Variants in RICTOR observed in about 807,000 individuals in gnomAD.
The protein encoded by RICTOR is rapamycin-insensitive companion of mTOR.
A neutral mutation model predicts 214.9 loss-of-function variants in RICTOR; 49 were observed. That is an observed-to-expected ratio of 0.23 (90% CI 0.18 to 0.29). The LOEUF (loss-of-function observed/expected upper bound fraction) is 0.29. RICTOR is among the 10% of genes least tolerant of loss of function. RICTOR has a pLI of 1.00. For synonymous variants in RICTOR, 717 were observed against 711.3 expected (o/e 1.01, Z -0.13); for missense variants, 1,625 against 2,047.0 (o/e 0.79, Z 3.98).
chr5:38,981,710 G>A (rs1262903681), intron 8 of RICTOR, 157 bp downstream of exon 8: 2 of 515,410 alleles, frequency 3.9e-6, no homozygotes, highest in Non-Finnish European at 6.7e-6. Context: ...AGTCCAAACT[G>A]AATGATCTGT....
rs146827518 is a variant in RICTOR at position 39,066,348 on chromosome 5, C to T, written c.97+7763G>A. The stretch of plus-strand genomic sequence containing the variant: ...TGAGGCTGTGCAAGGCAGCAAGGCC[C>T]GGCTAGCCCAGGCCCACAAAACCAT... On this transcript the variant is annotated intron_variant, in intron 2 of 37. Transcript: ENST00000357387. 2.7e-4 allele frequency among the ~76,000 whole-genome samples: 41 copies of T among 152,360 alleles called. No homozygotes were observed. The East Asian group carries it at 6.0e-3, about 22-fold the overall frequency.
intron 3 of RICTOR, among the ~76,000 whole-genome samples, chr5:39,009,856 T>C (rs1055436179): frequency 6.6e-6 from 1 of 152,198 alleles, no homozygotes; most frequent in Admixed American, 6.5e-5. Flanking sequence ...AATTCATATA[T>C]AAATCTCAAA....
intron 3 of RICTOR, among the ~76,000 whole-genome samples, chr5:39,004,581 C>T (rs961885652): frequency 6.6e-6 from 1 of 151,666 alleles, no homozygotes; most frequent in Non-Finnish European, 1.5e-5. Context: ...CGCCTCAGCC[C>T]TCCGAGTAGC....
intron 3 of RICTOR, among the ~76,000 whole-genome samples, chr5:39,011,991 G>A (rs1047909890): frequency 4.6e-5 from 7 of 152,156 alleles, no homozygotes; most frequent in African/African-American, 1.4e-4. Context: ...GAGGACATGA[G>A]ATTTGGGAGG....
In RICTOR at chr5:38,990,754, G is replaced by GATATATATC. The variant is rs1280127794; in HGVS notation, c.583+194_583+195insGATATATAT. Among the ~76,000 whole-genome samples the GATATATATC allele has an allele frequency of 2.9e-5, 3 of 102,944 alleles. 1 individual carries two copies. Among genetic ancestry groups the GATATATATC allele is most frequent in the African/African-American group, 1.3e-4 (3 of 23,448 alleles). The allele number at this position is 102,944 out of a possible 152,430, so 67.5% of individuals were successfully genotyped here. A position where few individuals can be genotyped will look rare whatever the true frequency, so the allele number is the denominator to read the frequency against. ...TATATATGATATATATGAGATATAT[G>GATATATATC]ATATATATGAGATATATGATATATA... is the stretch of plus-strand genomic sequence containing the variant. On this transcript the variant is annotated intron_variant, in intron 7 of 37. Transcript: ENST00000357387.
rs185543723 is a variant in RICTOR, at chr5:39,028,812, C to G, written c.98-7676G>C. The stretch of plus-strand genomic sequence containing the variant: ...GCTAGGGAGGCTGAGGCAGGAGGAT[C>G]CCTTGAGCCCAGGTGTTTGAGGCTG... On this transcript the variant is annotated intron_variant, in intron 2 of 37. Coordinates refer to ENST00000357387, the MANE Select transcript of RICTOR (RefSeq NM_152756.5). 2.2e-3 allele frequency among the ~76,000 whole-genome samples: 328 copies of G among 152,184 alleles called. 1 individual carries two copies. Among genetic ancestry groups the G allele is most frequent in the African/African-American group, 7.6e-3 (316 of 41,516 alleles).
rs770279172 is a variant in RICTOR at position 38,954,790 on chromosome 5, T to C, written c.2681A>G (p.His894Arg). The C allele has an allele frequency of 4.4e-6, 7 of 1,596,922 alleles. No homozygotes were observed. The highest frequency in any genetic ancestry group is 6.0e-6 in the Non-Finnish European group (7 of 1,165,468). ...TGTTTTTACCTGTACTTCCAACAAA[T>C]GGCAGCCTGTTTTATGGTGTACTAG... ...GQLVHHKTGCHLLEVQNIITE... is the reference protein window; with the variant it reads ...GQLVHHKTGCRLLEVQNIITE... The change falls in exon 27 of 38, where the codon CAT becomes CGT. Residue 894 changes from histidine to arginine, a missense_variant. Physicochemically the swap from His to Arg is conservative, Grantham distance 29. This residue lies in a region of RICTOR where 1,214 missense variants were observed against 1,470.5 expected (regional missense o/e 0.83). Coordinates refer to ENST00000357387, the MANE Select transcript of RICTOR (RefSeq NM_152756.5).
intron 31 of RICTOR, among the ~76,000 whole-genome samples, chr5:38,948,323 C>G (rs1262574254): frequency 6.6e-6 from 1 of 152,098 alleles, no homozygotes; most frequent in African/African-American, 2.4e-5. Context: ...TAAATAGTAG[C>G]TATTAACATA....
chr5:38,962,414 TATAAG>T (rs1432633330), intron 18 of RICTOR, 53 bp from the exon 19 acceptor site: 20 of 1,161,060 alleles, frequency 1.7e-5, no homozygotes, highest in African/African-American at 7.8e-5. Context: ...TTCTCACACA[TATAAG>T]ATAATTACGT....
At chr5:38,990,790 GAGATATATGAT>G (rs1172747096) in intron 7 of RICTOR, among the ~76,000 whole-genome samples, 148 bp downstream of exon 7, 1 of 43,312 alleles carries the variant, frequency 2.3e-5, no homozygotes, top group African/African-American at 6.7e-5. Flanking sequence ...TGAGATATAT[GAGATATATGAT>G]ATATATGAGA....
chr5:39,004,639 T>C (rs112188819), intron 3 of RICTOR, among the ~76,000 whole-genome samples: 2 of 151,718 alleles, frequency 1.3e-5, no homozygotes, highest in African/African-American at 4.8e-5. Context: ...TTTGTATTTT[T>C]AGTACAGACG....
At chr5:38,976,043 T>A (rs1751204520) in intron 9 of RICTOR, among the ~76,000 whole-genome samples, 1 of 152,238 alleles carries the variant, frequency 6.6e-6, no homozygotes, top group African/African-American at 2.4e-5. Flanking sequence ...TTCAACAACC[T>A]ATATAGTCAC....
rs1751227261 is a variant in RICTOR at position 38,976,335 on chromosome 5, A to C, written c.822-731T>G. Reference sequence around the variant, plus strand: ...TTTTTTTTTTAATCTTTCCTACTTAAATTTTTAATGGTTGTGAGCATACAA... The same window carrying C: ...TTTTTTTTTTAATCTTTCCTACTTACATTTTTAATGGTTGTGAGCATACAA... On this transcript the variant is annotated intron_variant, in intron 9 of 37. Coordinates refer to ENST00000357387, the MANE Select transcript of RICTOR (RefSeq NM_152756.5). 2.0e-5 allele frequency among the ~76,000 whole-genome samples: 3 copies of C among 152,056 alleles called. No individual in the cohort carries two copies. The South Asian group carries it at 6.2e-4, about 32-fold the overall frequency.
chr5:38,994,009 C>T (rs1752975200), intron 6 of RICTOR, among the ~76,000 whole-genome samples: 1 of 151,962 alleles, frequency 6.6e-6, no homozygotes, highest in African/African-American at 2.4e-5. Flanking sequence ...GGTGAAACCG[C>T]GTCTCTACTA....
chr5:38,960,928 C>T (rs774512196), intron 19 of RICTOR, among the ~76,000 whole-genome samples: 51 of 152,210 alleles, frequency 3.4e-4, no homozygotes, highest in Admixed American at 7.2e-4. Context: ...TTTGCTTCCC[C>T]TTCTGCCACA....
intron 2 of RICTOR, among the ~76,000 whole-genome samples, chr5:39,041,626 C>T (rs1757173283): frequency 6.6e-6 from 1 of 152,028 alleles, no homozygotes; most frequent in Admixed American, 6.6e-5. Context: ...AGGATGAAGT[C>T]TAGATTTCCG....
intron 3 of RICTOR, among the ~76,000 whole-genome samples, chr5:39,016,391 G>A (rs112967088): frequency 4.4e-4 from 67 of 151,794 alleles, no homozygotes; most frequent in Non-Finnish European, 7.7e-4. Flanking sequence ...GAAGGGTGAA[G>A]AAAAGAGTGA....
intron 12 of RICTOR, 122 bp downstream of exon 12, chr5:38,967,821 A>C (rs1339425639): frequency 8.9e-6 from 5 of 559,756 alleles, no homozygotes; most frequent in Non-Finnish European, 1.6e-5. Context: ...ATTTCCTGTC[A>C]CAATTATGCA....
intron 3 of RICTOR, among the ~76,000 whole-genome samples, chr5:39,019,934 A>G (rs1755266991): frequency 6.6e-6 from 1 of 152,188 alleles, no homozygotes; most frequent in Non-Finnish European, 1.5e-5. Flanking sequence ...TCAAAATCTC[A>G]ACACTACCAG....
Sources: allele counts gnomAD v4.1 joint callset (sites outside exome capture counted in the v4.1 genomes callset), GRCh38; gene constraint gnomAD v4.1.1; regional missense constraint gnomAD v4.1.1; transcripts MANE v1.5; gene names NCBI Gene and HGNC (gene_info 2026-07-23, HGNC 2026-07-21).